VAT1L: variants seen among roughly 807,000 people sequenced by gnomAD.
VAT1L encodes putative NADPH-dependent quinone oxidoreductase VAT1L.
A neutral mutation model predicts 44.1 loss-of-function variants in VAT1L; 34 were observed. The ratio of observed to expected loss-of-function variants is 0.77; its 90% CI spans 0.59 to 1.03. VAT1L has a LOEUF of 1.03. Ranked by LOEUF, VAT1L falls within the 50% of genes least tolerant of loss-of-function variation. The pLI is 0.00. For synonymous variants in VAT1L, 253 were observed against 202.2 expected, an observed-to-expected ratio of 1.25 and a Z score of -2.13; for missense variants, 615 against 538.8, an observed-to-expected ratio of 1.14 and a Z score of -1.40.
chr16:77,844,837 G>A (rs780128976), intron 3 of VAT1L, among the ~76,000 whole-genome samples: 4 of 148,870 alleles, frequency 2.7e-5, no homozygotes, highest in Non-Finnish European at 4.5e-5. Context: ...ATACACACAC[G>A]ATAAATACGT....
chr16:77,862,985 G>A lies in VAT1L; in HGVS notation c.722+95G>A. 3.5e-6 allele frequency: 5 copies of A among 1,442,938 alleles called. No individual in the cohort carries two copies. The South Asian group carries it at 4.1e-5, about 12-fold the overall frequency. The allele number at this position is 1,442,938 out of a possible 1,614,324, so 89.4% of individuals were successfully genotyped here. On this transcript the variant is annotated intron_variant, in intron 4 of 8. Transcript: ENST00000302536. ...TTTAAAAGAGGGATAATAATAATAT[G>A]TAGCAAACATATATTGGGGGCTTAG...
chr16:77,954,897 G>A (rs1452070218), intron 7 of VAT1L, among the ~76,000 whole-genome samples: 1 of 152,168 alleles, frequency 6.6e-6, no homozygotes, highest in African/African-American at 2.4e-5. Flanking sequence ...AGCAACATAT[G>A]CGATTTTTTA....
intron 1 of VAT1L, among the ~76,000 whole-genome samples, chr16:77,815,100 G>T (rs1353630863): frequency 1.3e-5 from 2 of 152,112 alleles, no homozygotes; most frequent in African/African-American, 4.8e-5. Flanking sequence ...GTAGAATTGG[G>T]ATTTGTACCC....
intron 3 of VAT1L, among the ~76,000 whole-genome samples, chr16:77,835,969 G>A (rs963947438): frequency 3.9e-5 from 6 of 152,022 alleles, no homozygotes; most frequent in African/African-American, 1.4e-4. Flanking sequence ...GAGCTCTAAA[G>A]TCAGACTCCT....
At chr16:77,807,026 G>C (rs1281758036) in intron 1 of VAT1L, among the ~76,000 whole-genome samples, 1 of 152,088 alleles carries the variant, frequency 6.6e-6, no homozygotes, top group Non-Finnish European at 1.5e-5. Flanking sequence ...ATTCTTTCAG[G>C]TTTTTATTTA....
chr16:77,857,988 G>A (rs1823784611), intron 3 of VAT1L, among the ~76,000 whole-genome samples: 1 of 152,022 alleles, frequency 6.6e-6, no homozygotes, highest in Admixed American at 6.6e-5. Flanking sequence ...CGACTGGGAA[G>A]GGCTGCCCCC....
At chr16:77,958,463 C>G (rs536908779) in intron 7 of VAT1L, among the ~76,000 whole-genome samples, 1 of 152,198 alleles carries the variant, frequency 6.6e-6, no homozygotes, top group Non-Finnish European at 1.5e-5. Context: ...CCCCAGGTCT[C>G]ACTCCCATGT....
At position 77,788,710 on chromosome 16, in the gene VAT1L, G is replaced by C. The variant is rs2015772406; in HGVS notation, c.28G>C (p.Glu10Gln). 1.9e-6 allele frequency: 3 copies of C among 1,554,140 alleles called. No homozygotes were observed. Among genetic ancestry groups the C allele is most frequent in the African/African-American group, 1.4e-5 (1 of 73,554 alleles). Residue 10 changes from glutamate to glutamine, a missense_variant, in exon 1 of 9, where the codon GAG becomes CAG. By Grantham distance (29) the Glu-to-Gln change is conservative. Coordinates refer to ENST00000302536, the MANE Select transcript of VAT1L (RefSeq NM_020927.3). MAKEGVEKA[E>Q]ETEQMIEKEA... ...GGCCAAGGAAGGCGTGGAGAAGGCGGAGGAGACGGAGCAAATGATCGAGAA... is the reference window on the plus strand; with the variant it reads ...GGCCAAGGAAGGCGTGGAGAAGGCGCAGGAGACGGAGCAAATGATCGAGAA...
chr16:77,802,758 A>G (rs1209511211), intron 1 of VAT1L, among the ~76,000 whole-genome samples: 1 of 151,138 alleles, frequency 6.6e-6, no homozygotes, highest in Non-Finnish European at 1.5e-5. Flanking sequence ...GCTCCCTCCA[A>G]ACTCTCCCCT....
At chr16:77,977,193 A>G (rs891101075) in intron 8 of VAT1L, among the ~76,000 whole-genome samples, 10 of 152,178 alleles carry the variant, frequency 6.6e-5, no homozygotes, top group African/African-American at 1.9e-4. Context: ...GCCCTTAGCC[A>G]TAACATGGCT....
rs1253038844 is a variant in VAT1L, at chr16:77,977,748, G to C, written c.*53G>C. On this transcript the variant is annotated 3_prime_UTR_variant, in exon 9 of 9. Transcript: ENST00000302536. ...GGATGGTTTGGAAGATGAGGACCCG[G>C]CTGAGAAAACTCTTCTGTGCCCCAG... 6.4e-7 allele frequency: 1 copy of C among 1,558,536 alleles called. No homozygotes were observed. The highest frequency in any genetic ancestry group is 8.8e-7 in the Non-Finnish European group (1 of 1,140,724).
chr16:77,810,324 T>C (rs2016242834), intron 1 of VAT1L, among the ~76,000 whole-genome samples: 2 of 152,150 alleles, frequency 1.3e-5, no homozygotes, highest in African/African-American at 4.8e-5. Context: ...CCAGATCTAC[T>C]TGAGTCCAGA....
chr16:77,966,040 C>A (rs981253809), intron 7 of VAT1L, among the ~76,000 whole-genome samples: 3 of 151,890 alleles, frequency 2.0e-5, no homozygotes, highest in Admixed American at 6.6e-5. Context: ...ACAGTCCCCC[C>A]CAAAAAAGCG....
chr16:77,873,434 G>T (rs1289710751), intron 4 of VAT1L, among the ~76,000 whole-genome samples: 1 of 152,162 alleles, frequency 6.6e-6, no homozygotes, highest in African/African-American at 2.4e-5. Context: ...CAGAATAGCA[G>T]TCTTAAACTG....
intron 1 of VAT1L, among the ~76,000 whole-genome samples, chr16:77,814,505 C>A (rs1368341244): frequency 6.6e-6 from 1 of 152,132 alleles, no homozygotes; most frequent in African/African-American, 2.4e-5. Context: ...TGCTGGATGG[C>A]GAATGCAGGC....
intron 7 of VAT1L, among the ~76,000 whole-genome samples, chr16:77,968,392 C>T (rs1195198751): frequency 6.6e-6 from 1 of 152,144 alleles, no homozygotes; most frequent in Non-Finnish European, 1.5e-5. Flanking sequence ...AGGAGGAACA[C>T]GTTCACCCTG....
chr16:77,924,715 T>A (rs1334147681), intron 7 of VAT1L, among the ~76,000 whole-genome samples: 1 of 152,152 alleles, frequency 6.6e-6, no homozygotes, highest in African/African-American at 2.4e-5. Context: ...TGCCTTGGCC[T>A]CCCAAAGTGC....
intron 3 of VAT1L, among the ~76,000 whole-genome samples, chr16:77,849,590 T>C (rs2142432273): frequency 6.6e-6 from 1 of 152,280 alleles, no homozygotes; most frequent in Admixed American, 6.5e-5. Flanking sequence ...AAGTTTGTCA[T>C]TGATAGGAAA....
At chr16:77,948,161 C>G (rs2017993686) in intron 7 of VAT1L, among the ~76,000 whole-genome samples, 2 of 152,196 alleles carry the variant, frequency 1.3e-5, no homozygotes, top group South Asian at 2.1e-4. Flanking sequence ...TAGGATATAG[C>G]TCCTCCCACA....
Sources: gnomAD v4.1 joint callset for allele counts (sites outside exome capture counted in the v4.1 genomes callset) on GRCh38, gnomAD v4.1.1 for gene constraint, MANE v1.5 for transcripts, NCBI Gene and HGNC (gene_info 2026-07-23, HGNC 2026-07-21) for gene names.